ARB2A: variants seen among roughly 807,000 people sequenced by gnomAD.
ARB2A encodes ARB2 cotranscriptional regulator A.
the ARB2A span, among the ~76,000 whole-genome samples, chr5:93,941,322 C>A: frequency 2.0e-5 from 3 of 150,820 alleles, no homozygotes; most frequent in Admixed American, 6.6e-5. Flanking sequence ...GAAAAGGGAT[C>A]GACATTTAAA....
the ARB2A span, among the ~76,000 whole-genome samples, chr5:93,917,498 A>T: frequency 6.6e-6 from 1 of 152,196 alleles, no homozygotes; most frequent in African/African-American, 2.4e-5. Context: ...TCATTTATTC[A>T]ATCATCAAAT....
At chr5:93,668,912 C>T in the ARB2A span, among the ~76,000 whole-genome samples, 1 of 152,142 alleles carries the variant, frequency 6.6e-6, no homozygotes, top group African/African-American at 2.4e-5. Context: ...CCAGGTCTGT[C>T]GATCTGCCAT....
chr5:93,639,218 C>T, the ARB2A span, among the ~76,000 whole-genome samples: 1 of 152,174 alleles, frequency 6.6e-6, no homozygotes, highest in African/African-American at 2.4e-5. Flanking sequence ...CGGTTGCTGA[C>T]TACTGGTCAT....
chr5:94,041,000 G>A, the ARB2A span, among the ~76,000 whole-genome samples: 83 of 152,244 alleles, frequency 5.5e-4, no homozygotes, highest in African/African-American at 2.0e-3. Flanking sequence ...GGTTACTAGG[G>A]CCGCTGAGGA....
At chr5:93,968,149 C>T in the ARB2A span, among the ~76,000 whole-genome samples, 1,460 of 152,212 alleles carry the variant, frequency 9.6e-3, 10 homozygotes, top group Non-Finnish European at 0.015. Context: ...TGATATCAGG[C>T]TTTCAACAAG....
chr5:94,015,397 G>A, the ARB2A span, among the ~76,000 whole-genome samples: 225 of 151,860 alleles, frequency 1.5e-3, 1 homozygote, highest in African/African-American at 5.1e-3. Flanking sequence ...AAACACAAGA[G>A]AGAGTTCTTC....
At chr5:93,690,289 G>A in the ARB2A span, among the ~76,000 whole-genome samples, 4 of 152,194 alleles carry the variant, frequency 2.6e-5, no homozygotes, top group Admixed American at 1.3e-4. Context: ...AGCCCAGCAA[G>A]CTAAGATCCA....
chr5:93,797,331 A>T, the ARB2A span, among the ~76,000 whole-genome samples: 8 of 152,124 alleles, frequency 5.3e-5, no homozygotes, highest in Non-Finnish European at 1.0e-4. Context: ...CCATCAGTTG[A>T]GTCAATGATT....
the ARB2A span, chr5:93,734,061 C>T: frequency 6.6e-6 from 1 of 152,034 alleles, no homozygotes; most frequent in Admixed American, 6.6e-5. Flanking sequence ...GATGCTAATT[C>T]AAGAAAAAGA....
At chr5:94,099,978 T>C in the ARB2A span, among the ~76,000 whole-genome samples, 1 of 152,054 alleles carries the variant, frequency 6.6e-6, no homozygotes, top group Non-Finnish European at 1.5e-5. Context: ...GGCATCCAAA[T>C]AGGAAGAGAG....
At chr5:93,784,024 T>C in the ARB2A span, among the ~76,000 whole-genome samples, 4 of 152,154 alleles carry the variant, frequency 2.6e-5, no homozygotes, top group East Asian at 5.8e-4. Flanking sequence ...CTTATGCGTC[T>C]TTCTTGTAAC....
the ARB2A span, among the ~76,000 whole-genome samples, chr5:93,832,416 C>G: frequency 6.6e-6 from 1 of 152,148 alleles, no homozygotes; most frequent in Non-Finnish European, 1.5e-5. Context: ...CTGATTACTA[C>G]TAATCCTGAT....
the ARB2A span, among the ~76,000 whole-genome samples, chr5:93,882,926 C>A: frequency 3.3e-5 from 5 of 151,456 alleles, no homozygotes; most frequent in Admixed American, 3.3e-4. Flanking sequence ...GAATCTTCTA[C>A]TTGAAGTTTA....
the ARB2A span, among the ~76,000 whole-genome samples, chr5:94,072,245 T>C: frequency 1.3e-5 from 2 of 151,992 alleles, no homozygotes; most frequent in Non-Finnish European, 2.9e-5. Flanking sequence ...TTCCTACAAA[T>C]GGGTAACAGA....
At chr5:94,025,819 G>A in the ARB2A span, among the ~76,000 whole-genome samples, 3 of 152,168 alleles carry the variant, frequency 2.0e-5, no homozygotes, top group Non-Finnish European at 2.9e-5. Flanking sequence ...GGCCAGTGAC[G>A]CCCCTGCCGA....
the ARB2A span, among the ~76,000 whole-genome samples, chr5:93,710,704 T>C: frequency 4.6e-5 from 7 of 152,190 alleles, no homozygotes; most frequent in South Asian, 4.1e-4. Flanking sequence ...TATGGGAAAA[T>C]ACTGGTTCAA....
At chr5:93,911,300 C>T in the ARB2A span, among the ~76,000 whole-genome samples, 15 of 151,576 alleles carry the variant, frequency 9.9e-5, no homozygotes, top group African/African-American at 2.2e-4. Context: ...TAGACCCTTG[C>T]GATTGTTTTC....
the ARB2A span, among the ~76,000 whole-genome samples, chr5:93,711,872 C>G: frequency 5.3e-5 from 8 of 152,220 alleles, no homozygotes; most frequent in African/African-American, 1.9e-4. Context: ...AGTGGGAAAC[C>G]AACCACAAAA....
chr5:94,093,966 G>A, the ARB2A span, among the ~76,000 whole-genome samples: 9 of 152,304 alleles, frequency 5.9e-5, no homozygotes, highest in South Asian at 1.7e-3. Flanking sequence ...CCCCAAACCA[G>A]TGCCAAACTT....
Sources: gnomAD v4.1 joint callset for allele counts (sites outside exome capture counted in the v4.1 genomes callset) on GRCh38, gnomAD v4.1.1 for gene constraint, MANE v1.5 for transcripts, NCBI Gene and HGNC (gene_info 2026-07-23, HGNC 2026-07-21) for gene names.